LRRTM4: variants seen among roughly 807,000 people sequenced by gnomAD.
The protein encoded by LRRTM4 is leucine-rich repeat transmembrane neuronal protein 4.
In LRRTM4, 25 loss-of-function variants were observed where a neutral mutation model predicts 47.6. That is an observed-to-expected ratio of 0.53 (90% confidence interval 0.38 to 0.73). The LOEUF (loss-of-function observed/expected upper bound fraction) is 0.73, where lower values mean the gene tolerates loss of function less well. Ranked by LOEUF, LRRTM4 falls within the 30% of genes least tolerant of loss-of-function variation. LRRTM4 has a pLI of 0.00. For missense variants in LRRTM4, 638 were observed against 713.4 expected, an observed-to-expected ratio of 0.89 and a Z score of 1.20; for synonymous variants, 311 against 269.5, an observed-to-expected ratio of 1.15 and a Z score of -1.51.
intron 3 of LRRTM4, among the ~76,000 whole-genome samples, chr2:77,405,362 A>T (rs762336512): frequency 6.6e-6 from 1 of 152,114 alleles, no homozygotes; most frequent in Non-Finnish European, 1.5e-5. Context: ...GGCAAGACAT[A>T]TCCAGGAACT....
chr2:76,789,509 T>C (rs1354448120), intron 3 of LRRTM4, among the ~76,000 whole-genome samples: 1 of 152,166 alleles, frequency 6.6e-6, no homozygotes, highest in Admixed American at 6.5e-5. Context: ...AGAGGAAAAT[T>C]CAAAAACATA....
At chr2:76,919,838 A>G (rs746738026) in intron 3 of LRRTM4, among the ~76,000 whole-genome samples, 8 of 152,188 alleles carry the variant, frequency 5.3e-5, no homozygotes, top group Non-Finnish European at 1.0e-4. Flanking sequence ...TAAGTCTTAC[A>G]TATGACGGGT....
intron 3 of LRRTM4, among the ~76,000 whole-genome samples, chr2:77,066,573 G>A (rs962451063): frequency 6.6e-6 from 1 of 152,136 alleles, no homozygotes; most frequent in Non-Finnish European, 1.5e-5. Flanking sequence ...TCCCTTTATT[G>A]GAGAGCATCT....
chr2:76,889,152 G>C (rs1052088401), intron 3 of LRRTM4, among the ~76,000 whole-genome samples: 1 of 151,776 alleles, frequency 6.6e-6, no homozygotes, highest in Non-Finnish European at 1.5e-5. Flanking sequence ...AAAAAGATTT[G>C]ATTTTGCACT....
At chr2:76,966,678 T>C (rs1171920188) in intron 3 of LRRTM4, among the ~76,000 whole-genome samples, 2 of 151,484 alleles carry the variant, frequency 1.3e-5, no homozygotes, top group Non-Finnish European at 3.0e-5. Flanking sequence ...TAGAATCCTG[T>C]TTAATCAAAT....
intron 3 of LRRTM4, among the ~76,000 whole-genome samples, chr2:77,052,254 C>T (rs182600946): frequency 2.7e-3 from 396 of 148,572 alleles, no homozygotes; most frequent in Non-Finnish European, 4.9e-3. Flanking sequence ...CCACAACCTC[C>T]GGCTCCCAGA....
intron 3 of LRRTM4, among the ~76,000 whole-genome samples, chr2:77,104,047 T>C (rs1266821954): frequency 6.6e-6 from 1 of 152,018 alleles, no homozygotes. Context: ...CAAAGAAAAA[T>C]TCTTTATTTC....
At chr2:76,851,132 G>C (rs981610928) in intron 3 of LRRTM4, among the ~76,000 whole-genome samples, 7 of 152,162 alleles carry the variant, frequency 4.6e-5, no homozygotes, top group Non-Finnish European at 1.0e-4. Context: ...GTTCAGCCTC[G>C]TGCTTGGGCT....
rs539052188 is a variant in LRRTM4, at chr2:77,323,274, A to G, written c.1551+195044T>C. 1.0e-3 allele frequency among the ~76,000 whole-genome samples: 153 copies of G among 152,150 alleles called. 1 individual carries two copies. The highest frequency in any genetic ancestry group is 1.6e-3 in the Non-Finnish European group (112 of 68,012). Reference sequence around the variant, plus strand: ...ATTTTTTGGTGGTCAGCGGAGGAACAGTCTCTGAACTGGAAAGAGGCCAGC... The same window carrying G: ...ATTTTTTGGTGGTCAGCGGAGGAACGGTCTCTGAACTGGAAAGAGGCCAGC... On this transcript the variant is annotated intron_variant, in intron 3 of 3. Coordinates refer to ENST00000409884, the MANE Select transcript of LRRTM4 (RefSeq NM_001134745.3).
chr2:77,122,588 A>G (rs868519863), intron 3 of LRRTM4, among the ~76,000 whole-genome samples: 33 of 151,538 alleles, frequency 2.2e-4, no homozygotes, highest in African/African-American at 7.2e-4. Flanking sequence ...TATATTTTGG[A>G]CATGCACACA....
intron 3 of LRRTM4, among the ~76,000 whole-genome samples, chr2:77,188,652 G>A (rs1341759913): frequency 1.3e-5 from 2 of 152,076 alleles, no homozygotes; most frequent in Admixed American, 6.6e-5. Flanking sequence ...TTGAAGGATG[G>A]CCCCCATCCA....
At chr2:76,937,385 G>C (rs1674991813) in intron 3 of LRRTM4, among the ~76,000 whole-genome samples, 1 of 152,172 alleles carries the variant, frequency 6.6e-6, no homozygotes, top group South Asian at 2.1e-4. Flanking sequence ...CCCTTTTCCT[G>C]ACAATGATGT....
chr2:76,862,922 T>C (rs115213975), intron 3 of LRRTM4, among the ~76,000 whole-genome samples: 1,610 of 152,308 alleles, frequency 0.011, 26 homozygotes, highest in African/African-American at 0.037. Flanking sequence ...CATATGTATA[T>C]TGTCTTGTAA....
intron 3 of LRRTM4, among the ~76,000 whole-genome samples, chr2:77,423,185 G>A (rs567706633): frequency 1.6e-4 from 24 of 151,866 alleles, no homozygotes; most frequent in East Asian, 1.2e-3. Context: ...ACTTTTCATC[G>A]CCTACTTACC....
At chr2:76,786,188 AGAAAGTCTC>A (rs1674660781) in intron 3 of LRRTM4, among the ~76,000 whole-genome samples, 1 of 152,150 alleles carries the variant, frequency 6.6e-6, no homozygotes, top group East Asian at 1.9e-4. Flanking sequence ...CAATTTATAA[AGAAAGTCTC>A]TAGCCTATCT....
intron 3 of LRRTM4, among the ~76,000 whole-genome samples, chr2:77,384,504 A>G (rs531219441): frequency 6.6e-6 from 1 of 151,992 alleles, no homozygotes; most frequent in Non-Finnish European, 1.5e-5. Context: ...TTTGCTTACT[A>G]ATGTTACTGT....
At chr2:77,291,770 A>G (rs1284875847) in intron 3 of LRRTM4, among the ~76,000 whole-genome samples, 1 of 152,124 alleles carries the variant, frequency 6.6e-6, no homozygotes, top group African/African-American at 2.4e-5. Context: ...ATTATGTCCC[A>G]TTTGATTACT....
intron 3 of LRRTM4, among the ~76,000 whole-genome samples, chr2:77,253,438 A>C (rs2104019617): frequency 6.6e-6 from 1 of 152,238 alleles, no homozygotes; most frequent in Middle Eastern, 3.4e-3. Context: ...GAACTCTCCT[A>C]ACCTCTGTTG....
At chr2:76,847,250 C>T (rs1671862734) in intron 3 of LRRTM4, among the ~76,000 whole-genome samples, 1 of 152,144 alleles carries the variant, frequency 6.6e-6, no homozygotes, top group African/African-American at 2.4e-5. Context: ...TCCTAACACA[C>T]ACAGGTTAGC....
Sources: allele counts gnomAD v4.1 joint callset (sites outside exome capture counted in the v4.1 genomes callset), GRCh38; gene constraint gnomAD v4.1.1; transcripts MANE v1.5; gene names NCBI Gene and HGNC (gene_info 2026-07-23, HGNC 2026-07-21).